ALPK1: variants seen among roughly 807,000 people sequenced by gnomAD.
The protein encoded by ALPK1 is alpha kinase 1.
In ALPK1, 110 loss-of-function variants were observed where a neutral mutation model predicts 120.6. The observed-to-expected ratio is 0.91, with a 90% confidence interval of 0.78 to 1.07. ALPK1 has a LOEUF of 1.07. Ranked by LOEUF, ALPK1 falls within the 50% of genes least tolerant of loss-of-function variation. The pLI is 0.00. For missense variants in ALPK1, 1,498 were observed against 1,483.9 expected (o/e 1.01, Z -0.16); for synonymous variants, 582 against 560.3 (o/e 1.04, Z -0.55).
intron 3 of ALPK1, among the ~76,000 whole-genome samples, chr4:112,379,761 T>A (rs1447252474): frequency 6.6e-6 from 1 of 152,218 alleles, no homozygotes; most frequent in Admixed American, 6.5e-5. Flanking sequence ...CTTGTTAGCA[T>A]GGGTGACTAC....
chr4:112,365,552 T>C (rs1731107019), intron 2 of ALPK1, among the ~76,000 whole-genome samples: 1 of 152,050 alleles, frequency 6.6e-6, no homozygotes, highest in African/African-American at 2.4e-5. Context: ...CTGAAAGAAA[T>C]CACAGACAGC....
rs1327127257 is a variant in ALPK1, at chr4:112,432,353, G to T, written c.2806G>T (p.Ala936Ser). The change falls in exon 11 of 16, where the codon GCA becomes TCA. Residue 936 changes from alanine (A) to serine (S), a missense_variant. Transcript: ENST00000650871. Reference sequence around the variant, plus strand: ...CTCAGTGTGGTGGCTGAAATCACCTGCATTTTCCAGTGGTTCTTCTGAGGG... The same window carrying T: ...CTCAGTGTGGTGGCTGAAATCACCTTCATTTTCCAGTGGTTCTTCTGAGGG... ...SSSVWWLKSP[A>S]FSSGSSEGDS... 2 of 1,614,004 alleles carry T rather than the reference G, an allele frequency of 1.2e-6. No homozygotes were observed. The highest frequency in any genetic ancestry group is 1.7e-6 in the Non-Finnish European group (2 of 1,180,042).
intron 5 of ALPK1, among the ~76,000 whole-genome samples, chr4:112,413,793 AGCAGTTTTCTCCT>A (rs1166050958): frequency 6.6e-6 from 1 of 152,192 alleles, no homozygotes; most frequent in Non-Finnish European, 1.5e-5. Flanking sequence ...CAGGTGGTAT[AGCAGTTTTCTCCT>A]GATAATGAGA....
chr4:112,315,080 AT>A (rs1363083198), intron 1 of ALPK1, among the ~76,000 whole-genome samples: 2 of 151,762 alleles, frequency 1.3e-5, no homozygotes, highest in Non-Finnish European at 2.9e-5. Flanking sequence ...GGGTTTCACC[AT>A]GTTTTGTCCA....
At chr4:112,345,702 T>G (rs1578483905) in intron 2 of ALPK1, among the ~76,000 whole-genome samples, 1 of 152,212 alleles carries the variant, frequency 6.6e-6, no homozygotes, top group Non-Finnish European at 1.5e-5. Context: ...GAGGGAGCAA[T>G]GTAAAAACTT....
intron 2 of ALPK1, chr4:112,359,839 G>A: frequency 2.8e-6 from 1 of 360,584 alleles, no homozygotes; most frequent in Non-Finnish European, 5.4e-6. Context: ...GAGGCCCTCA[G>A]CATGCCCAGC....
At chr4:112,394,616 T>C (rs192558582) in intron 4 of ALPK1, among the ~76,000 whole-genome samples, 5 of 152,320 alleles carry the variant, frequency 3.3e-5, no homozygotes, top group East Asian at 1.9e-4. Context: ...CCTTTTAATA[T>C]AGTACTTTCA....
chr4:112,341,573 G>A (rs1729864936), intron 2 of ALPK1, among the ~76,000 whole-genome samples: 2 of 152,184 alleles, frequency 1.3e-5, no homozygotes, highest in Admixed American at 1.3e-4. Flanking sequence ...TTTTTTTAAA[G>A]AGCTTTTAAA....
intron 5 of ALPK1, chr4:112,412,372 T>G: frequency 2.0e-6 from 1 of 490,812 alleles, no homozygotes; most frequent in South Asian, 1.5e-5. Context: ...AAAAGCAGAT[T>G]AGAATTCTAC....
At chr4:112,354,474 T>TC (rs1730508035) in intron 2 of ALPK1, among the ~76,000 whole-genome samples, 2 of 152,238 alleles carry the variant, frequency 1.3e-5, no homozygotes, top group African/African-American at 2.4e-5. Flanking sequence ...TTGTTTTTGT[T>TC]TTTTGTTTTC....
intron 12 of ALPK1, 148 bp from the exon 13 acceptor site, chr4:112,438,336 G>A (rs974293488): frequency 1.4e-6 from 1 of 700,496 alleles, no homozygotes; most frequent in Admixed American, 3.0e-5. Context: ...TGAATCTTGA[G>A]ATAAGTCAAA....
chr4:112,351,630 T>C (rs540876599), intron 2 of ALPK1, among the ~76,000 whole-genome samples: 2 of 152,192 alleles, frequency 1.3e-5, no homozygotes, highest in East Asian at 3.9e-4. Context: ...CGCGCCACCA[T>C]GCCCAGCTAA....
intron 13 of ALPK1, 112 bp downstream of exon 13, chr4:112,438,758 T>C (rs561093193): frequency 1.6e-6 from 2 of 1,220,728 alleles, no homozygotes; most frequent in Admixed American, 3.9e-5. Context: ...AAACTATCCT[T>C]GTGTGTTGTC....
intron 4 of ALPK1, among the ~76,000 whole-genome samples, chr4:112,408,202 A>AC (rs897340028): frequency 2.6e-5 from 4 of 152,050 alleles, no homozygotes; most frequent in Admixed American, 1.3e-4. Flanking sequence ...CTATCTGAGT[A>AC]CCCCCCAAGG....
At chr4:112,372,975 A>G (rs1731484509) in intron 2 of ALPK1, among the ~76,000 whole-genome samples, 2 of 152,302 alleles carry the variant, frequency 1.3e-5, no homozygotes, top group Non-Finnish European at 2.9e-5. Flanking sequence ...CTATTTCTTT[A>G]TTACACCTCT....
intron 4 of ALPK1, among the ~76,000 whole-genome samples, chr4:112,407,669 A>G (rs1486318769): frequency 2.0e-5 from 3 of 152,226 alleles, no homozygotes; most frequent in African/African-American, 7.2e-5. Flanking sequence ...CATTTTTTAT[A>G]GACTAGATGG....
chr4:112,373,607 C>T (rs959523140), intron 2 of ALPK1, among the ~76,000 whole-genome samples: 1 of 152,146 alleles, frequency 6.6e-6, no homozygotes, highest in African/African-American at 2.4e-5. Context: ...GTGAGTCACA[C>T]AAAGCCGGGT....
At chr4:112,339,029 T>C (rs1036369415) in intron 2 of ALPK1, among the ~76,000 whole-genome samples, 1 of 152,224 alleles carries the variant, frequency 6.6e-6, no homozygotes, top group Non-Finnish European at 1.5e-5. Flanking sequence ...GAAGCACTAC[T>C]GAGAAATGTT....
chr4:112,426,984 A>G (rs1734264030), intron 8 of ALPK1, among the ~76,000 whole-genome samples: 1 of 152,084 alleles, frequency 6.6e-6, no homozygotes, highest in Non-Finnish European at 1.5e-5. Flanking sequence ...CCTACTTGAC[A>G]TTTTCATTTT....
Sources: gnomAD v4.1 joint callset for allele counts (sites outside exome capture counted in the v4.1 genomes callset) on GRCh38, gnomAD v4.1.1 for gene constraint, MANE v1.5 for transcripts, NCBI Gene and HGNC (gene_info 2026-07-23, HGNC 2026-07-21) for gene names.